Variants in CNNM1 observed in about 807,000 individuals in gnomAD.
CNNM1 encodes the protein metal transporter CNNM1.
A neutral mutation model predicts 78.8 loss-of-function variants in CNNM1; 44 were observed. The observed-to-expected ratio is 0.56, with a 90% CI of 0.44 to 0.72. The LOEUF (loss-of-function observed/expected upper bound fraction) is 0.72, where lower values mean the gene tolerates loss of function less well. Among genes scored for constraint, CNNM1 ranks in the 30% least tolerant of loss-of-function variants. CNNM1 has a pLI of 0.00. For synonymous variants in CNNM1, 584 were observed against 581.5 expected, an observed-to-expected ratio of 1.00 and a Z score of -0.06; for missense variants, 1,101 against 1,292.2, an observed-to-expected ratio of 0.85 and a Z score of 2.27.
chr10:99,373,323 C>G (rs2031862057), intron 6 of CNNM1, among the ~76,000 whole-genome samples: 1 of 152,126 alleles, frequency 6.6e-6, no homozygotes, highest in Non-Finnish European at 1.5e-5. Flanking sequence ...AAGCCACAAG[C>G]CCTGCTCACA....
At chr10:99,356,554 C>CAGAAAGAAAGAAAGAAAGAAAGAA (rs1189884919) in intron 1 of CNNM1, among the ~76,000 whole-genome samples, 1 of 44,494 alleles carries the variant, frequency 2.2e-5, no homozygotes, top group Non-Finnish European at 6.6e-5. Flanking sequence ...GACAGACAGA[C>CAGAAAGAAAGAAAGAAAGAAAGAA]AGACAGACAG....
chr10:99,357,416 A>G, intron 1 of CNNM1, 96 bp from the exon 2 acceptor site: 1 of 1,283,290 alleles, frequency 7.8e-7, no homozygotes, highest in South Asian at 1.5e-5. Flanking sequence ...TGCAATCCTG[A>G]GATTGGTCAG....
intron 7 of CNNM1, 71 bp from the exon 8 acceptor site, chr10:99,387,749 C>A: frequency 6.9e-7 from 1 of 1,450,654 alleles, no homozygotes; most frequent in Non-Finnish European, 9.2e-7. Flanking sequence ...TGCCCCCGAG[C>A]CTGGGAAGGC....
intron 5 of CNNM1, among the ~76,000 whole-genome samples, 161 bp from the exon 6 acceptor site, chr10:99,364,794 A>G (rs1589907386): frequency 6.6e-6 from 1 of 152,138 alleles, no homozygotes; most frequent in Admixed American, 6.5e-5. Flanking sequence ...ATGAAAAGAC[A>G]AGTTTATTTT....
intron 7 of CNNM1, among the ~76,000 whole-genome samples, chr10:99,384,883 A>G (rs191001121): frequency 6.6e-6 from 1 of 152,220 alleles, no homozygotes; most frequent in East Asian, 1.9e-4. Flanking sequence ...CCTGACCAAT[A>G]TGGTGAAACC....
At chr10:99,355,859 CTA>C (rs1175397633) in intron 1 of CNNM1, among the ~76,000 whole-genome samples, 2 of 152,168 alleles carry the variant, frequency 1.3e-5, no homozygotes, top group African/African-American at 2.4e-5. Flanking sequence ...TAAATGGAAA[CTA>C]TTATTATTCA....
intron 1 of CNNM1, among the ~76,000 whole-genome samples, chr10:99,353,680 A>G (rs895745726): frequency 1.3e-5 from 2 of 152,192 alleles, no homozygotes; most frequent in South Asian, 2.1e-4. Context: ...TCAACTCGGA[A>G]TAAGGATTGT....
chr10:99,359,304 C>T (rs2031344353), intron 2 of CNNM1, among the ~76,000 whole-genome samples: 2 of 152,054 alleles, frequency 1.3e-5, no homozygotes, highest in Non-Finnish European at 2.9e-5. Flanking sequence ...CTAGTGAGAG[C>T]GAAAGAGCTG....
chr10:99,393,419 G>A lies in CNNM1; in HGVS notation c.*1903G>A, dbSNP rs2134090232. 6.6e-6 allele frequency: 1 copy of A among 152,580 alleles called. No individual in the cohort carries two copies. Among genetic ancestry groups the A allele is most frequent in the African/African-American group, 2.4e-5 (1 of 41,508 alleles). 9.5% of individuals were successfully genotyped at this position (152,580 alleles called of 1,614,324 possible). On this transcript the variant is annotated 3_prime_UTR_variant, in exon 11 of 11. Transcript: ENST00000356713. The stretch of plus-strand genomic sequence containing the variant: ...GTCTATGAAACCCCTAAAACTGTCA[G>A]TATTTAATGTATTTATTCTTGTATG...
intron 7 of CNNM1, among the ~76,000 whole-genome samples, chr10:99,384,697 C>A (rs1465465063): frequency 1.3e-5 from 2 of 152,150 alleles, no homozygotes; most frequent in East Asian, 1.9e-4. Context: ...TCCTCCCTGA[C>A]AATGCTTAAA....
intron 1 of CNNM1, among the ~76,000 whole-genome samples, chr10:99,356,514 G>GAAAGAAAGAAAGAAAGAAAGAAAGAA (rs1234385335): frequency 7.0e-6 from 1 of 142,540 alleles, no homozygotes; most frequent in African/African-American, 2.7e-5. Flanking sequence ...GAGAGAGAAA[G>GAAAGAAAGAAAGAAAGAAAGAAAGAA]AGAAAGAGAG....
At chr10:99,375,823 CT>C (rs1346768492) in intron 6 of CNNM1, among the ~76,000 whole-genome samples, 5 of 152,174 alleles carry the variant, frequency 3.3e-5, no homozygotes, top group Admixed American at 2.6e-4. Flanking sequence ...TCCTCATCCC[CT>C]TTTTTGGAAG....
chr10:99,349,079 A>G (rs1231471257), intron 1 of CNNM1, among the ~76,000 whole-genome samples: 1 of 152,206 alleles, frequency 6.6e-6, no homozygotes, highest in Non-Finnish European at 1.5e-5. Flanking sequence ...CAAAATAAAA[A>G]AATAGAAACC....
intron 7 of CNNM1, among the ~76,000 whole-genome samples, chr10:99,384,930 G>A (rs183366039): frequency 2.0e-5 from 3 of 151,960 alleles, no homozygotes; most frequent in Admixed American, 6.6e-5. Context: ...TAAGCTGGGC[G>A]TCGTGGTGTG....
At position 99,392,608 on chromosome 10, in the gene CNNM1, TGAA is replaced by T. The variant is rs2134089195; in HGVS notation, c.*1094_*1096del. 6.6e-6 allele frequency: 1 copy of T among 152,454 alleles called. No individual in the cohort carries two copies. Among genetic ancestry groups the T allele is most frequent in the South Asian group, 2.1e-4 (1 of 4,828 alleles). The allele number at this position is 152,454 out of a possible 1,614,324, so 9.4% of individuals were successfully genotyped here. A position where few individuals can be genotyped will look rare whatever the true frequency, so the allele number is the denominator to read the frequency against. Reference sequence around the variant, plus strand: ...CTTACTGGATCTCTGGTTTTTCTCCTGAAGTTGGGGCAGGTGCAATTCCAAGCA... The same window carrying T: ...CTTACTGGATCTCTGGTTTTTCTCCTGTTGGGGCAGGTGCAATTCCAAGCA... On this transcript the variant is annotated 3_prime_UTR_variant, in exon 11 of 11. Coordinates refer to ENST00000356713, the MANE Select transcript of CNNM1 (RefSeq NM_020348.3).
At chr10:99,389,862 G>C (rs2032419461) in intron 9 of CNNM1, among the ~76,000 whole-genome samples, 4 of 152,180 alleles carry the variant, frequency 2.6e-5, no homozygotes, top group African/African-American at 9.7e-5. Flanking sequence ...AATTCCCATT[G>C]AGTCCTGCGG....
chr10:99,373,357 A>C (rs1463602675), intron 6 of CNNM1, among the ~76,000 whole-genome samples: 2 of 152,178 alleles, frequency 1.3e-5, no homozygotes, highest in African/African-American at 4.8e-5. Flanking sequence ...GTTATGTCCA[A>C]ACTGAGTTGA....
intron 1 of CNNM1, among the ~76,000 whole-genome samples, chr10:99,346,301 A>T (rs968367639): frequency 6.6e-6 from 1 of 152,166 alleles, no homozygotes; most frequent in African/African-American, 2.4e-5. Context: ...CATAGAAATT[A>T]AGGACACTTT....
rs867151603 is a variant in CNNM1 at position 99,379,806 on chromosome 10, A to G, written c.2340+2588A>G. Among the ~76,000 whole-genome samples, 16 of 151,972 alleles carry G rather than the reference A, an allele frequency of 1.1e-4. No individual in the cohort carries two copies. In the Middle Eastern group the frequency reaches 0.014, roughly 129 times the overall value. ...AATTTTTAAGTTTGTTTCTCTTTTC[A>G]TTTATATTAGTCAGTTTTGGCCACT... On this transcript the variant is annotated intron_variant, in intron 7 of 10. Transcript: ENST00000356713.
Sources: allele counts gnomAD v4.1 joint callset (sites outside exome capture counted in the v4.1 genomes callset), GRCh38; gene constraint gnomAD v4.1.1; transcripts MANE v1.5; gene names NCBI Gene and HGNC (gene_info 2026-07-23, HGNC 2026-07-21).